Variants in PTPRN2 observed in about 807,000 individuals in gnomAD.
The protein encoded by PTPRN2 is protein tyrosine phosphatase receptor type N2, also known as receptor-type tyrosine-protein phosphatase N2.
In PTPRN2, 74 loss-of-function variants were observed where a neutral mutation model predicts 118.8. The observed-to-expected ratio is 0.62, with a 90% CI of 0.52 to 0.76. PTPRN2 has a LOEUF of 0.76. Among genes scored for constraint, PTPRN2 ranks in the 30% least tolerant of loss-of-function variants. PTPRN2 has a pLI of 0.00. For missense variants in PTPRN2, 1,481 were observed against 1,394.4 expected (o/e 1.06, Z -0.99); for synonymous variants, 641 against 608.0 (o/e 1.05, Z -0.80).
At chr7:158,364,831 C>G (rs1193454443) in intron 2 of PTPRN2, among the ~76,000 whole-genome samples, 2 of 152,162 alleles carry the variant, frequency 1.3e-5, no homozygotes, top group Non-Finnish European at 2.9e-5. Flanking sequence ...AGGACTGTGG[C>G]CTGGAAAGTC....
chr7:158,101,626 A>G (rs1423732529), intron 10 of PTPRN2, among the ~76,000 whole-genome samples: 1 of 152,244 alleles, frequency 6.6e-6, no homozygotes, highest in African/African-American at 2.4e-5. Context: ...GTATACAAAG[A>G]AAGACCTCAC....
chr7:157,916,144 G>C (rs1225639367), intron 11 of PTPRN2, among the ~76,000 whole-genome samples: 3 of 152,362 alleles, frequency 2.0e-5, no homozygotes, highest in Middle Eastern at 3.4e-3. Flanking sequence ...CTGTGAACTA[G>C]AAATGGCAAC....
At chr7:157,793,484 G>A (rs954808303) in intron 12 of PTPRN2, among the ~76,000 whole-genome samples, 1 of 152,090 alleles carries the variant, frequency 6.6e-6, no homozygotes, top group Non-Finnish European at 1.5e-5. Context: ...GGATCTGAGG[G>A]GCCTCCAGGG....
chr7:157,782,717 T>C (rs774167036), intron 12 of PTPRN2, among the ~76,000 whole-genome samples: 1 of 152,220 alleles, frequency 6.6e-6, no homozygotes, highest in Non-Finnish European at 1.5e-5. Flanking sequence ...TCACACAGCA[T>C]CGCATCAACA....
chr7:158,273,854 A>G (rs1175877446), intron 3 of PTPRN2, among the ~76,000 whole-genome samples: 1 of 127,276 alleles, frequency 7.9e-6, no homozygotes. Context: ...GGAGCCGCAG[A>G]CACAGGAGGA....
At chr7:157,595,009 T>C (rs1018487710) in intron 17 of PTPRN2, among the ~76,000 whole-genome samples, 17 of 152,228 alleles carry the variant, frequency 1.1e-4, no homozygotes, top group African/African-American at 3.9e-4. Context: ...TTAAAAGTAA[T>C]GATCTTGAAA....
intron 6 of PTPRN2, among the ~76,000 whole-genome samples, chr7:158,150,986 T>G (rs1206344225): frequency 2.6e-5 from 4 of 151,836 alleles, no homozygotes; most frequent in Non-Finnish European, 5.9e-5. Context: ...TGTCTGTTCC[T>G]CTCAGCACCT....
intron 12 of PTPRN2, among the ~76,000 whole-genome samples, chr7:157,862,206 C>T (rs1344150479): frequency 1.3e-5 from 2 of 152,248 alleles, no homozygotes; most frequent in Admixed American, 1.3e-4. Context: ...CCTCCTTCAC[C>T]AAGCGAACTG....
chr7:158,438,071 C>T lies in PTPRN2; in HGVS notation c.163+51664G>A, dbSNP rs1240217592. On this transcript the variant is annotated intron_variant, in intron 2 of 22. Transcript: ENST00000389418. This position sits in a 1 kb window ranked among gnomAD's most constrained non-coding sequence, Gnocchi z 4.7. ...AGTGGGCTCCCTAACAGTGCCCCTC[C>T]GATGGGTCTTTTTTAAGTTTTTTTG... Among the ~76,000 whole-genome samples the T allele has an allele frequency of 2.6e-5, 4 of 152,184 alleles. No homozygotes were observed. Among genetic ancestry groups the T allele is most frequent in the Non-Finnish European group, 4.4e-5 (3 of 68,026 alleles).
intron 11 of PTPRN2, among the ~76,000 whole-genome samples, chr7:157,994,719 G>A (rs1420523435): frequency 0.014 from 672 of 47,742 alleles, 27 homozygotes; most frequent in African/African-American, 0.058. Flanking sequence ...TAAAATCAAC[G>A]CCGTGTCCCC....
intron 11 of PTPRN2, among the ~76,000 whole-genome samples, chr7:157,906,794 T>C (rs1020588124): frequency 2.0e-5 from 3 of 151,922 alleles, no homozygotes; most frequent in African/African-American, 7.3e-5. Flanking sequence ...AGGGAGACCT[T>C]AGGGAGGGGC....
chr7:157,866,763 C>T (rs541701385), intron 12 of PTPRN2, among the ~76,000 whole-genome samples: 2 of 151,744 alleles, frequency 1.3e-5, no homozygotes, highest in East Asian at 1.9e-4. Flanking sequence ...GCCACCACCC[C>T]GCCCCTGAGG....
At chr7:157,967,927 A>T (rs1345601304) in intron 11 of PTPRN2, among the ~76,000 whole-genome samples, 1 of 152,220 alleles carries the variant, frequency 6.6e-6, no homozygotes, top group Non-Finnish European at 1.5e-5. Flanking sequence ...TTTTGTGATG[A>T]ACACCAGTGT....
At chr7:157,855,628 T>C (rs910485078) in intron 12 of PTPRN2, among the ~76,000 whole-genome samples, 5 of 152,186 alleles carry the variant, frequency 3.3e-5, no homozygotes, top group African/African-American at 1.2e-4. Context: ...ATGTCAGGAA[T>C]AGCCCTCACT....
chr7:157,792,509 G>C (rs1393069793), intron 12 of PTPRN2, among the ~76,000 whole-genome samples: 2 of 152,220 alleles, frequency 1.3e-5, no homozygotes, highest in African/African-American at 2.4e-5. Context: ...GTGTGTTTTC[G>C]GGGGTGGGGA....
chr7:157,756,810 C>T (rs1212321120), intron 12 of PTPRN2, among the ~76,000 whole-genome samples: 1 of 151,902 alleles, frequency 6.6e-6, no homozygotes, highest in Non-Finnish European at 1.5e-5. Flanking sequence ...AAAAAAAACC[C>T]TGTTCCTGAT....
chr7:158,003,430 A>G lies in PTPRN2; in HGVS notation c.1723+77868T>C, dbSNP rs913629566. Among the ~76,000 whole-genome samples, 23 of 151,936 alleles carry G rather than the reference A, an allele frequency of 1.5e-4. No individual in the cohort carries two copies. The highest frequency in any genetic ancestry group is 2.7e-4 in the Non-Finnish European group (18 of 67,910). Reference sequence around the variant, plus strand: ...CTCCGTCTCAAAAAAAAAAAAAAAAAAAAATGAGGTCCTGAGGGGGCCCCA... The same window carrying G: ...CTCCGTCTCAAAAAAAAAAAAAAAAGAAAATGAGGTCCTGAGGGGGCCCCA... On this transcript the variant is annotated intron_variant, in intron 11 of 22. Transcript: ENST00000389418. This position sits in a 1 kb window ranked among gnomAD's most constrained non-coding sequence, Gnocchi z 5.0.
At chr7:158,571,177 A>T (rs1298580427) in intron 1 of PTPRN2, among the ~76,000 whole-genome samples, 1 of 151,740 alleles carries the variant, frequency 6.6e-6, no homozygotes, top group Non-Finnish European at 1.5e-5. Context: ...GTGTGTTGGC[A>T]CACTTCATGA....
intron 3 of PTPRN2, among the ~76,000 whole-genome samples, chr7:158,245,000 G>C (rs1796126770): frequency 6.6e-6 from 1 of 152,248 alleles, no homozygotes. Flanking sequence ...CCCTGGCTGT[G>C]TCATGTGGAC....
Sources: allele counts gnomAD v4.1 joint callset (sites outside exome capture counted in the v4.1 genomes callset), GRCh38; gene constraint gnomAD v4.1.1; non-coding constraint Gnocchi (gnomAD v3.1); transcripts MANE v1.5; gene names NCBI Gene and HGNC (gene_info 2026-07-23, HGNC 2026-07-21).